Variants in RSBN1L observed in about 807,000 individuals in gnomAD.
RSBN1L encodes lysine-specific demethylase RSBN1L.
A neutral mutation model predicts 67.7 loss-of-function variants in RSBN1L; 30 were observed. The ratio of observed to expected loss-of-function variants is 0.44; its 90% confidence interval spans 0.33 to 0.60. The LOEUF (loss-of-function observed/expected upper bound fraction) is 0.60. Ranked by LOEUF, RSBN1L falls within the 20% of genes least tolerant of loss-of-function variation. The pLI is 0.02. For synonymous variants in RSBN1L, 433 were observed against 387.0 expected (o/e 1.12, Z -1.39); for missense variants, 992 against 1,031.7 (o/e 0.96, Z 0.53).
intron 5 of RSBN1L, 140 bp downstream of exon 5, chr7:77,768,943 T>C: frequency 1.5e-6 from 1 of 665,210 alleles, no homozygotes; most frequent in Non-Finnish European, 2.5e-6. Flanking sequence ...CGATACATGC[T>C]AATACAATTT....
intron 1 of RSBN1L, among the ~76,000 whole-genome samples, chr7:77,731,128 G>T (rs183851389): frequency 6.6e-6 from 1 of 152,120 alleles, no homozygotes; most frequent in African/African-American, 2.4e-5. Flanking sequence ...GATGACATCA[G>T]GTGTGGAGTA....
intron 1 of RSBN1L, among the ~76,000 whole-genome samples, chr7:77,710,311 G>C (rs1164468016): frequency 6.6e-6 from 1 of 152,154 alleles, no homozygotes; most frequent in Non-Finnish European, 1.5e-5. Context: ...TCACTTTTCT[G>C]TTTATGGGAT....
At chr7:77,710,088 C>A (rs1036285656) in intron 1 of RSBN1L, among the ~76,000 whole-genome samples, 3 of 152,132 alleles carry the variant, frequency 2.0e-5, no homozygotes, top group Non-Finnish European at 4.4e-5. Context: ...TTTGCTCTGT[C>A]TTTTCTACTA....
rs185410594 is a variant in RSBN1L at position 77,765,726 on chromosome 7, T to C, written c.1482+94T>C. Reference sequence around the variant, plus strand: ...ATCTAAATTGTGATTGTTTCTTTCATGCTACATGCAATATAAATGAATGGC... The same window carrying C: ...ATCTAAATTGTGATTGTTTCTTTCACGCTACATGCAATATAAATGAATGGC... On this transcript the variant is annotated intron_variant, in intron 4 of 7. Coordinates refer to ENST00000334955, the MANE Select transcript of RSBN1L (RefSeq NM_198467.3). 11 of 936,314 alleles carry C rather than the reference T, an allele frequency of 1.2e-5. No homozygotes were observed. In the East Asian group the frequency reaches 2.8e-4, roughly 24 times the overall value. 58.0% of individuals were successfully genotyped at this position (936,314 alleles called of 1,614,324 possible).
At chr7:77,771,555 G>A (rs1791850445) in intron 5 of RSBN1L, among the ~76,000 whole-genome samples, 1 of 145,714 alleles carries the variant, frequency 6.9e-6, no homozygotes, top group South Asian at 2.1e-4. Context: ...TGTCACCCAG[G>A]CTGGAGTGCA....
At chr7:77,740,377 A>G (rs1488963562) in intron 2 of RSBN1L, among the ~76,000 whole-genome samples, 1 of 152,198 alleles carries the variant, frequency 6.6e-6, no homozygotes, top group Non-Finnish European at 1.5e-5. Flanking sequence ...AGCATTTTAA[A>G]TAAGTTTGCT....
intron 2 of RSBN1L, among the ~76,000 whole-genome samples, chr7:77,738,831 C>T (rs1017068306): frequency 2.0e-5 from 3 of 151,962 alleles, no homozygotes; most frequent in East Asian, 1.9e-4. Flanking sequence ...CCCAGCAACT[C>T]GGGAGGCTGA....
chr7:77,713,055 G>T (rs550675657), intron 1 of RSBN1L, among the ~76,000 whole-genome samples: 5 of 152,212 alleles, frequency 3.3e-5, no homozygotes, highest in East Asian at 1.9e-4. Flanking sequence ...GATTGTTGAA[G>T]ATTTTATTAT....
chr7:77,697,845 G>T (rs961158285), intron 1 of RSBN1L, among the ~76,000 whole-genome samples: 3 of 152,184 alleles, frequency 2.0e-5, no homozygotes, highest in Non-Finnish European at 2.9e-5. Context: ...GGTCAGTTTT[G>T]TTTTTAAATG....
rs79578587 is a variant in RSBN1L, at chr7:77,719,582, A to G, written c.587-16828A>G. Among the ~76,000 whole-genome samples the G allele has an allele frequency of 1.7e-3, 266 of 152,312 alleles. 4 individuals are homozygous for G. In the East Asian group the frequency reaches 0.042, roughly 24 times the overall value. On this transcript the variant is annotated intron_variant, in intron 1 of 7. Coordinates refer to ENST00000334955, the MANE Select transcript of RSBN1L (RefSeq NM_198467.3). ...TGATTTAATTCTGTAACCAGATACCACCTACAATATCTTAGTACTTCATAT... is the reference window on the plus strand; with the variant it reads ...TGATTTAATTCTGTAACCAGATACCGCCTACAATATCTTAGTACTTCATAT...
chr7:77,709,945 T>G (rs570084374), intron 1 of RSBN1L, among the ~76,000 whole-genome samples: 3 of 152,336 alleles, frequency 2.0e-5, no homozygotes, highest in East Asian at 3.9e-4. Flanking sequence ...AGATTTGTCT[T>G]GCTATGTATG....
chr7:77,698,425 G>C lies in RSBN1L; in HGVS notation c.586+1370G>C, dbSNP rs150432451. On this transcript the variant is annotated intron_variant, in intron 1 of 7. Coordinates refer to ENST00000334955, the MANE Select transcript of RSBN1L (RefSeq NM_198467.3). ...GTGCCTGGAAGTTTGTCCATATGCA[G>C]CTTGGTATCATCACTAGTGTTTGTG... Among the ~76,000 whole-genome samples the C allele has an allele frequency of 8.3e-3, 1,266 of 152,290 alleles. 11 individuals are homozygous for C. Among genetic ancestry groups the C allele is most frequent in the Non-Finnish European group, 8.7e-3 (593 of 68,026 alleles).
At chr7:77,763,622 G>A (rs1352359042) in intron 3 of RSBN1L, among the ~76,000 whole-genome samples, 3 of 152,178 alleles carry the variant, frequency 2.0e-5, no homozygotes, top group Non-Finnish European at 4.4e-5. Flanking sequence ...GGAGATGATA[G>A]GAATTTTTAG....
chr7:77,724,012 A>C (rs1267920973), intron 1 of RSBN1L, among the ~76,000 whole-genome samples: 2 of 152,066 alleles, frequency 1.3e-5, no homozygotes, highest in East Asian at 3.9e-4. Flanking sequence ...TTCTGGGCTC[A>C]AGCTATCCTC....
intron 6 of RSBN1L, among the ~76,000 whole-genome samples, chr7:77,776,485 A>G (rs1020488522): frequency 6.6e-6 from 1 of 152,202 alleles, no homozygotes; most frequent in Non-Finnish European, 1.5e-5. Context: ...CTGTAGGTAT[A>G]TGTCTATTCT....
intron 1 of RSBN1L, among the ~76,000 whole-genome samples, chr7:77,709,190 G>GTA (rs67659722): frequency 0.023 from 3,059 of 134,234 alleles, 66 homozygotes; most frequent in African/African-American, 0.067. Flanking sequence ...GTGTGTGTGT[G>GTA]TGTGTGTATG....
intron 5 of RSBN1L, among the ~76,000 whole-genome samples, chr7:77,771,055 C>T (rs2150433531): frequency 6.6e-6 from 1 of 152,252 alleles, no homozygotes; most frequent in South Asian, 2.1e-4. Context: ...GATTCTCCTG[C>T]CTCAGCCTCC....
chr7:77,752,880 T>C (rs1353187228), intron 3 of RSBN1L, among the ~76,000 whole-genome samples: 1 of 152,220 alleles, frequency 6.6e-6, no homozygotes, highest in Non-Finnish European at 1.5e-5. Flanking sequence ...TTTTGCTTCT[T>C]TTTGAACTTA....
At chr7:77,709,198 A>G (rs113553618) in intron 1 of RSBN1L, among the ~76,000 whole-genome samples, 9,241 of 62,846 alleles carry the variant, frequency 0.15, 378 homozygotes, top group African/African-American at 0.21. Flanking sequence ...GTGTGTGTGT[A>G]TGTATGTGTA....
Sources: gnomAD v4.1 joint callset for allele counts (sites outside exome capture counted in the v4.1 genomes callset) on GRCh38, gnomAD v4.1.1 for gene constraint, MANE v1.5 for transcripts, NCBI Gene and HGNC (gene_info 2026-07-23, HGNC 2026-07-21) for gene names.